Variants in MCC observed in about 807,000 individuals in gnomAD.
MCC encodes the protein colorectal mutant cancer protein.
A neutral mutation model predicts 116.2 loss-of-function variants in MCC; 90 were observed. The ratio of observed to expected loss-of-function variants is 0.77; its 90% CI spans 0.65 to 0.92. MCC has a LOEUF of 0.92. Ranked by LOEUF, MCC falls within the 40% of genes least tolerant of loss-of-function variation. The pLI is 0.00. For missense variants in MCC, 1,516 were observed against 1,312.2 expected, an observed-to-expected ratio of 1.16 and a Z score of -2.40; for synonymous variants, 578 against 510.5, an observed-to-expected ratio of 1.13 and a Z score of -1.78.
At chr5:113,447,717 C>G (rs534972689) in intron 1 of MCC, among the ~76,000 whole-genome samples, 416 of 152,208 alleles carry the variant, frequency 2.7e-3, no homozygotes, top group South Asian at 8.5e-3. Flanking sequence ...CACATCCTCC[C>G]TACATTCTCT....
chr5:113,450,462 C>A (rs531526590), intron 1 of MCC, among the ~76,000 whole-genome samples: 8 of 152,110 alleles, frequency 5.3e-5, no homozygotes, highest in African/African-American at 1.2e-4. Flanking sequence ...TGATGCCCCC[C>A]CAAGCCTGGC....
chr5:113,374,253 G>A (rs141345437), intron 2 of MCC, among the ~76,000 whole-genome samples: 2,993 of 148,496 alleles, frequency 0.02, 331 homozygotes, highest in Admixed American at 0.18. Context: ...TGCAATAGTC[G>A]CTCCAGAAAA....
intron 3 of MCC, among the ~76,000 whole-genome samples, chr5:113,310,384 A>G (rs963330564): frequency 7.2e-5 from 11 of 152,200 alleles, no homozygotes; most frequent in African/African-American, 2.7e-4. Context: ...CAATCCTTCT[A>G]GCGCCTTGCT....
intron 6 of MCC, among the ~76,000 whole-genome samples, chr5:113,109,209 G>A (rs1756932635): frequency 6.6e-6 from 1 of 152,154 alleles, no homozygotes; most frequent in Admixed American, 6.5e-5. Flanking sequence ...TCAAATAATT[G>A]TACCCCGATG....
intron 17 of MCC, among the ~76,000 whole-genome samples, chr5:113,041,734 C>A (rs1282048963): frequency 6.6e-6 from 1 of 152,176 alleles, no homozygotes; most frequent in Non-Finnish European, 1.5e-5. Context: ...GTGGCTCATG[C>A]CTGTAATCAG....
rs1027721329 is a variant in MCC, at chr5:113,068,111, C to T, written c.1998G>A (p.Gln666=). ...AESEQSLILG[Q]FRAAGVGSSP... Reference sequence around the variant, plus strand: ...AGGACCCCACGCCCGCCGCTCGGAACTGCCCCAGGATGAGGCTCTGCTCAC... The same window carrying T: ...AGGACCCCACGCCCGCCGCTCGGAATTGCCCCAGGATGAGGCTCTGCTCAC... Residue 666 remains glutamine, a synonymous_variant, in exon 13 of 19, where the codon CAG becomes CAA. Coordinates refer to ENST00000408903, the MANE Select transcript of MCC (RefSeq NM_001085377.2). The T allele has an allele frequency of 1.2e-6, 2 of 1,614,230 alleles. No homozygotes were observed. Among genetic ancestry groups the T allele is most frequent in the Non-Finnish European group, 8.5e-7 (1 of 1,180,044 alleles).
In MCC at chr5:113,488,371, C is replaced by CCGCCGA; in HGVS notation, c.43_44insTCGGCG (p.Ser15delinsIleGlyGly). ...GCCGCTGCCGCCGCCGCCGCCGCCG[C>CCGCCGA]TGCTGGAGCTCCCCGCAGCCGCTGC... is the stretch of plus-strand genomic sequence containing the variant. On this transcript the variant is annotated protein_altering_variant, in exon 1 of 19. Transcript: ENST00000408903. 6.6e-7 allele frequency: 1 copy of CCGCCGA among 1,511,250 alleles called. No homozygotes were observed. Among genetic ancestry groups the CCGCCGA allele is most frequent in the Non-Finnish European group, 8.8e-7 (1 of 1,134,834 alleles). 93.6% of individuals were successfully genotyped at this position (1,511,250 alleles called of 1,614,324 possible).
intron 3 of MCC, among the ~76,000 whole-genome samples, chr5:113,301,476 A>C (rs1766860430): frequency 1.3e-5 from 2 of 150,532 alleles, no homozygotes; most frequent in Admixed American, 1.3e-4. Context: ...AAACAAAAGA[A>C]AAAAAAAAAG....
At chr5:113,343,078 G>A (rs893642637) in intron 2 of MCC, among the ~76,000 whole-genome samples, 2 of 152,160 alleles carry the variant, frequency 1.3e-5, no homozygotes, top group African/African-American at 4.8e-5. Flanking sequence ...TAATTTACTT[G>A]AGAATAATTA....
intron 1 of MCC, among the ~76,000 whole-genome samples, chr5:113,475,585 A>T (rs1772215507): frequency 1.3e-5 from 2 of 152,336 alleles, no homozygotes. Flanking sequence ...CTCTAAGGAA[A>T]TGCCCTTTCT....
At chr5:113,262,094 A>AT (rs35969668) in intron 3 of MCC, among the ~76,000 whole-genome samples, 18 of 151,274 alleles carry the variant, frequency 1.2e-4, no homozygotes, top group Admixed American at 2.0e-4. Flanking sequence ...TTTAATTTTT[A>AT]TTTTTTTTTA....
At chr5:113,220,057 C>CTTTTTTTTTTTTTTT (rs1229213218) in intron 3 of MCC, among the ~76,000 whole-genome samples, 3 of 79,612 alleles carry the variant, frequency 3.8e-5, no homozygotes, top group Admixed American at 1.2e-4. Flanking sequence ...ATGTCAATTT[C>CTTTTTTTTTTTTTTT]TTTTTCTTTT....
chr5:113,409,126 G>C (rs1339361494), intron 1 of MCC, among the ~76,000 whole-genome samples: 3 of 152,168 alleles, frequency 2.0e-5, no homozygotes, highest in Non-Finnish European at 4.4e-5. Context: ...CAGAGATCGA[G>C]ATTCCCACTG....
chr5:113,438,935 G>A lies in MCC; in HGVS notation c.170+49310C>T, dbSNP rs537113696. 2.6e-5 allele frequency among the ~76,000 whole-genome samples: 4 copies of A among 152,276 alleles called. No homozygotes were observed. In the East Asian group the frequency reaches 7.7e-4, roughly 29 times the overall value. ...AGAGAAAAAAAATCAGAGGGCTGGG[G>A]TTGCCCAGGAAGGTGTTAGAGCTTC... On this transcript the variant is annotated intron_variant, in intron 1 of 18. Transcript: ENST00000408903.
In MCC at chr5:113,064,992, AAAC is replaced by A. The variant is rs1476404664; in HGVS notation, c.2030-828_2030-826del. 3.3e-5 allele frequency among the ~76,000 whole-genome samples: 5 copies of A among 152,212 alleles called. No homozygotes were observed. In the South Asian group the frequency reaches 6.2e-4, roughly 19 times the overall value. On this transcript the variant is annotated intron_variant, in intron 13 of 18. Coordinates refer to ENST00000408903, the MANE Select transcript of MCC (RefSeq NM_001085377.2). ...GTAACAGAGCAAGACCCTGTCTCCA[AAAC>A]AACAACAAGAACAACAGCAACAGCA...
Position 113,143,267 on chromosome 5 carries a change from T to G in MCC, c.835A>C (p.Ile279Leu). The G allele has an allele frequency of 6.2e-7, 1 of 1,613,268 alleles. No individual in the cohort carries two copies. Among genetic ancestry groups the G allele is most frequent in the Non-Finnish European group, 8.5e-7 (1 of 1,179,788 alleles). The change falls in exon 5 of 19, where the codon ATT (isoleucine) becomes CTT (leucine). Residue 279 changes from isoleucine to leucine, a missense_variant. Physicochemically the swap from Ile to Leu is conservative, Grantham distance 5. Transcript: ENST00000408903. ...EERITELHSVIAELNKKIDRL... is the reference protein window; with the variant it reads ...EERITELHSVLAELNKKIDRL... Reference sequence around the variant, plus strand: ...TCTATCTTCTTGTTGAGCTCCGCAATGACGCTGTGGAGCTCTGTGATGCGT... The same window carrying G: ...TCTATCTTCTTGTTGAGCTCCGCAAGGACGCTGTGGAGCTCTGTGATGCGT...
intron 11 of MCC, among the ~76,000 whole-genome samples, chr5:113,072,271 T>G (rs1452952758): frequency 6.6e-6 from 1 of 152,334 alleles, no homozygotes; most frequent in East Asian, 1.9e-4. Context: ...TGGAGACACT[T>G]GCCAACATGG....
chr5:113,156,939 G>A (rs1034285467), intron 3 of MCC, among the ~76,000 whole-genome samples: 1 of 152,180 alleles, frequency 6.6e-6, no homozygotes, highest in African/African-American at 2.4e-5. Context: ...TGAGAGGAAA[G>A]GTGTCCAGCC....
chr5:113,480,781 T>C (rs1772358723), intron 1 of MCC, among the ~76,000 whole-genome samples: 1 of 152,186 alleles, frequency 6.6e-6, no homozygotes, highest in Non-Finnish European at 1.5e-5. Context: ...TTTTTATTTA[T>C]TTTATTTTAT....
Sources: gnomAD v4.1 joint callset for allele counts (sites outside exome capture counted in the v4.1 genomes callset) on GRCh38, gnomAD v4.1.1 for gene constraint, MANE v1.5 for transcripts, NCBI Gene and HGNC (gene_info 2026-07-23, HGNC 2026-07-21) for gene names.